LRP1B: variants seen among roughly 807,000 people sequenced by gnomAD.
LRP1B encodes the protein LDL receptor related protein 1B, also known as low-density lipoprotein receptor-related protein 1B.
LRP1B carries 217 observed loss-of-function variants against 556.6 expected under a neutral mutation model. That is an observed-to-expected ratio of 0.39 (90% confidence interval 0.35 to 0.44). The LOEUF (loss-of-function observed/expected upper bound fraction) is 0.44, where lower values mean the gene tolerates loss of function less well. Among genes scored for constraint, LRP1B ranks in the 20% least tolerant of loss-of-function variants. The probability of loss-of-function intolerance (pLI) is 1.00; values close to 1 mark genes in which losing one functional copy is unlikely to be tolerated. For synonymous variants in LRP1B, 2,047 were observed against 1,865.8 expected (o/e 1.10, Z -2.50); for missense variants, 5,053 against 5,620.8 (o/e 0.90, Z 3.23).
intron 1 of LRP1B, among the ~76,000 whole-genome samples, chr2:142,007,420 C>T (rs1410691125): frequency 1.3e-5 from 2 of 152,058 alleles, no homozygotes; most frequent in Non-Finnish European, 2.9e-5. Context: ...TGTTAATGAG[C>T]ATTTGTATAG....
chr2:140,519,331 G>A (rs1316245043), intron 49 of LRP1B, among the ~76,000 whole-genome samples: 1 of 152,120 alleles, frequency 6.6e-6, no homozygotes, highest in Non-Finnish European at 1.5e-5. Context: ...TCTGATCTTT[G>A]ACAAACCTAA....
chr2:140,578,416 G>A (rs1320498517), intron 43 of LRP1B, among the ~76,000 whole-genome samples: 1 of 152,142 alleles, frequency 6.6e-6, no homozygotes. Flanking sequence ...AAGGAAATGA[G>A]TATTGAATAA....
intron 2 of LRP1B, among the ~76,000 whole-genome samples, chr2:141,565,964 A>G (rs1686315212): frequency 6.6e-6 from 1 of 151,962 alleles, no homozygotes; most frequent in South Asian, 2.1e-4. Context: ...TTACCAAGTC[A>G]TGAGCTGCTT....
intron 31 of LRP1B, among the ~76,000 whole-genome samples, chr2:140,836,660 T>C (rs562591392): frequency 6.6e-6 from 1 of 152,220 alleles, no homozygotes; most frequent in Admixed American, 6.5e-5. Flanking sequence ...TTTCTTCTTG[T>C]GGGTGTCTAA....
rs60473210 is a variant in LRP1B at position 141,519,360 on chromosome 2, G to GATATATATATATAT, written c.206-38841_206-38828dup. On this transcript the variant is annotated intron_variant, in intron 2 of 90. Coordinates refer to ENST00000389484, the MANE Select transcript of LRP1B (RefSeq NM_018557.3). ...CACCATGTGTGGGGCTTAAGTCAAT[G>GATATATATATATAT]ATATATATATATATATATATATATA... Among the ~76,000 whole-genome samples the GATATATATATATAT allele has an allele frequency of 4.7e-3, 317 of 68,048 alleles. 5 individuals carry two copies. The highest frequency in any genetic ancestry group is 6.3e-3 in the East Asian group (8 of 1,264). The allele number at this position is 68,048 out of a possible 152,430, so 44.6% of individuals were successfully genotyped here.
chr2:141,782,373 G>A (rs183606099), intron 2 of LRP1B, among the ~76,000 whole-genome samples: 24 of 151,674 alleles, frequency 1.6e-4, no homozygotes, highest in African/African-American at 1.2e-4. Context: ...CCCCCTTCCC[G>A]CTTATGCATG....
intron 31 of LRP1B, among the ~76,000 whole-genome samples, chr2:140,833,729 T>C (rs1691799593): frequency 6.6e-6 from 1 of 152,156 alleles, no homozygotes; most frequent in Non-Finnish European, 1.5e-5. Context: ...TGGCTTTCTT[T>C]CTCTGGTAGA....
rs1040872330 is a variant in LRP1B at position 140,924,803 on chromosome 2, A to C, written c.3137-1656T>G. Among the ~76,000 whole-genome samples, 3 of 152,116 alleles carry C rather than the reference A, an allele frequency of 2.0e-5. No homozygotes were observed. In the East Asian group the frequency reaches 5.8e-4, roughly 29 times the overall value. ...GTTAGATAAAATACTTGGTTTGCAC[A>C]CACACAATCAATCACACACAATTAA... is the stretch of plus-strand genomic sequence containing the variant. On this transcript the variant is annotated intron_variant, in intron 20 of 90. Transcript: ENST00000389484.
intron 3 of LRP1B, among the ~76,000 whole-genome samples, chr2:141,411,330 T>G (rs1690843119): frequency 6.6e-6 from 1 of 152,134 alleles, no homozygotes; most frequent in African/African-American, 2.4e-5. Context: ...AAGATTGATG[T>G]CAGGTGTAAA....
intron 35 of LRP1B, among the ~76,000 whole-genome samples, chr2:140,741,098 G>A (rs918982975): frequency 6.6e-6 from 1 of 152,160 alleles, no homozygotes; most frequent in African/African-American, 2.4e-5. Context: ...ACAAGAAGTT[G>A]TATCTGTATT....
intron 11 of LRP1B, among the ~76,000 whole-genome samples, chr2:141,036,332 T>G (rs1486230015): frequency 6.6e-6 from 1 of 152,046 alleles, no homozygotes; most frequent in East Asian, 1.9e-4. Flanking sequence ...AAAGAATTTC[T>G]TTCACTGAAT....
intron 41 of LRP1B, among the ~76,000 whole-genome samples, chr2:140,698,958 A>G (rs958491121): frequency 1.1e-4 from 17 of 152,044 alleles, no homozygotes; most frequent in African/African-American, 4.1e-4. Context: ...CACCATGTCA[A>G]CAGAAAAGCC....
chr2:140,232,268 TTA>T lies in LRP1B; in HGVS notation c.*916_*917del, dbSNP rs1403088092. 2 of 151,304 alleles carry T rather than the reference TTA, an allele frequency of 1.3e-5. No individual in the cohort carries two copies. The highest frequency in any genetic ancestry group is 4.8e-5 in the African/African-American group (2 of 41,328). 9.4% of individuals were successfully genotyped at this position (151,304 alleles called of 1,614,324 possible). A position where few individuals can be genotyped will look rare whatever the true frequency, so the allele number is the denominator to read the frequency against. ...GAAATTCTGTCACCAATTTGTGTGC[TTA>T]TATATTATTCTTTAGTGTTCAGTGT... On this transcript the variant is annotated 3_prime_UTR_variant, in exon 91 of 91. Transcript: ENST00000389484.
chr2:141,117,789 C>T (rs745408217), intron 7 of LRP1B, among the ~76,000 whole-genome samples: 2 of 151,902 alleles, frequency 1.3e-5, no homozygotes, highest in African/African-American at 2.4e-5. Flanking sequence ...TGAAAAATAT[C>T]GAGGCAATGG....
At chr2:140,544,144 G>A (rs1002196723) in intron 43 of LRP1B, among the ~76,000 whole-genome samples, 8 of 151,546 alleles carry the variant, frequency 5.3e-5, no homozygotes, top group African/African-American at 1.9e-4. Flanking sequence ...TTTAAGTTCA[G>A]GGGTATATGT....
chr2:141,285,423 T>C (rs1164161124), intron 3 of LRP1B, among the ~76,000 whole-genome samples: 2 of 149,058 alleles, frequency 1.3e-5, no homozygotes, highest in Non-Finnish European at 3.0e-5. Context: ...CAGTACAATA[T>C]GGAATAGAAA....
rs1410079844 is a variant in LRP1B, at chr2:140,876,082, G to A, written c.4169+7735C>T. The stretch of plus-strand genomic sequence containing the variant: ...GTTTTCTGATAACTTTGGAGGTTGC[G>A]ATATCAGAATAGAGGAAAAGCTTTC... On this transcript the variant is annotated intron_variant, in intron 25 of 90. Transcript: ENST00000389484. Among the ~76,000 whole-genome samples, 7 of 151,178 alleles carry A rather than the reference G, an allele frequency of 4.6e-5. No homozygotes were observed. The South Asian group carries it at 1.2e-3, about 27-fold the overall frequency.
At chr2:141,885,845 AG>A (rs1415868909) in intron 1 of LRP1B, among the ~76,000 whole-genome samples, 2 of 152,234 alleles carry the variant, frequency 1.3e-5, no homozygotes, top group Non-Finnish European at 1.5e-5. Flanking sequence ...GGTAAATAAA[AG>A]TAAGGATATG....
At chr2:141,167,265 G>A (rs914048074) in intron 7 of LRP1B, 1 of 151,778 alleles carries the variant, frequency 6.6e-6, no homozygotes, top group African/African-American at 2.4e-5. Context: ...TTTAATGTAT[G>A]GGATGCCTCA....
Sources: allele counts gnomAD v4.1 joint callset (sites outside exome capture counted in the v4.1 genomes callset), GRCh38; gene constraint gnomAD v4.1.1; transcripts MANE v1.5; gene names NCBI Gene and HGNC (gene_info 2026-07-23, HGNC 2026-07-21).